APBA1: variants seen among roughly 807,000 people sequenced by gnomAD.
The protein encoded by APBA1 is amyloid-beta A4 precursor protein-binding family A member 1.
A neutral mutation model predicts 86.6 loss-of-function variants in APBA1; 55 were observed. The observed-to-expected ratio is 0.64, with a 90% confidence interval of 0.51 to 0.80. APBA1 has a LOEUF of 0.80. Ranked by LOEUF, APBA1 falls within the 30% of genes least tolerant of loss-of-function variation. The pLI is 0.00. For synonymous variants in APBA1, 511 were observed against 493.9 expected (o/e 1.03, Z -0.46); for missense variants, 1,090 against 1,183.0 (o/e 0.92, Z 1.15).
chr9:69,585,840 G>A (rs556259387), intron 1 of APBA1, among the ~76,000 whole-genome samples: 1 of 152,170 alleles, frequency 6.6e-6, no homozygotes, highest in South Asian at 2.1e-4. Context: ...TAGGACTTGG[G>A]ACCATCTGCC....
intron 1 of APBA1, among the ~76,000 whole-genome samples, chr9:69,553,020 A>G (rs1447359771): frequency 1.3e-5 from 2 of 150,804 alleles, no homozygotes; most frequent in African/African-American, 4.9e-5. Flanking sequence ...CCTCCCACCT[A>G]AGCCTCCTGA....
chr9:69,449,580 G>A lies in APBA1; in HGVS notation c.2181+4C>T. 6.2e-7 allele frequency: 1 copy of A among 1,612,558 alleles called. No individual in the cohort carries two copies. Among genetic ancestry groups the A allele is most frequent in the Non-Finnish European group, 8.5e-7 (1 of 1,179,172 alleles). ...ATCAACTGATTTTTCCCATATTCAGGTACCTTAATAATGCTCTGGCAGGTG... is the reference window on the plus strand; with the variant it reads ...ATCAACTGATTTTTCCCATATTCAGATACCTTAATAATGCTCTGGCAGGTG... On this transcript the variant is annotated splice_donor_region_variant and intron_variant, in intron 10 of 12. Transcript: ENST00000265381.
intron 1 of APBA1, among the ~76,000 whole-genome samples, chr9:69,615,783 T>C (rs1252111547): frequency 1.3e-5 from 2 of 152,230 alleles, no homozygotes; most frequent in Non-Finnish European, 2.9e-5. Flanking sequence ...TCCATAGAAT[T>C]ATTAAAAACA....
intron 2 of APBA1, among the ~76,000 whole-genome samples, chr9:69,487,839 T>C (rs556735378): frequency 1.3e-5 from 2 of 152,230 alleles, no homozygotes; most frequent in South Asian, 4.1e-4. Context: ...AGTGCCTACC[T>C]GAACAGTCCT....
At chr9:69,610,012 G>A (rs1368723619) in intron 1 of APBA1, among the ~76,000 whole-genome samples, 1 of 152,064 alleles carries the variant, frequency 6.6e-6, no homozygotes, top group Non-Finnish European at 1.5e-5. Flanking sequence ...TGATTATAAG[G>A]CCACCTTAAA....
At position 69,670,950 on chromosome 9, in the gene APBA1, C is replaced by T. The variant is rs544100138; in HGVS notation, c.-70+1203G>A. Among the ~76,000 whole-genome samples, 5 of 152,238 alleles carry T rather than the reference C, an allele frequency of 3.3e-5. No homozygotes were observed. The East Asian group carries it at 9.7e-4, about 29-fold the overall frequency. On this transcript the variant is annotated intron_variant, in intron 1 of 12. Transcript: ENST00000265381. Reference sequence around the variant, plus strand: ...AGTATCCTGTTTCCTGAGGAAAACGCCCTGGCTGTGTGATGCTGACCAAGT... The same window carrying T: ...AGTATCCTGTTTCCTGAGGAAAACGTCCTGGCTGTGTGATGCTGACCAAGT...
At position 69,431,079 on chromosome 9, in the gene APBA1, A is replaced by G. The variant is rs534785959; in HGVS notation, c.*248T>C. ...CCCTCCAGGATGGTCCTGGGTCAGT[A>G]CCAGGTGGGTGCTGGCTGCTCTCCA... is the stretch of plus-strand genomic sequence containing the variant. On this transcript the variant is annotated 3_prime_UTR_variant, in exon 13 of 13. Coordinates refer to ENST00000265381, the MANE Select transcript of APBA1 (RefSeq NM_001163.4). 3.4e-5 allele frequency: 15 copies of G among 437,912 alleles called. No individual in the cohort carries two copies. The highest frequency in any genetic ancestry group is 2.9e-4 in the African/African-American group (14 of 48,216). The allele number at this position is 437,912 out of a possible 1,614,324, so 27.1% of individuals were successfully genotyped here. A position where few individuals can be genotyped will look rare whatever the true frequency, so the allele number is the denominator to read the frequency against.
intron 1 of APBA1, among the ~76,000 whole-genome samples, chr9:69,573,610 T>C (rs565384968): frequency 2.6e-5 from 4 of 152,366 alleles, no homozygotes; most frequent in African/African-American, 9.6e-5. Context: ...CCCAGTCTTT[T>C]GTATTTACTG....
chr9:69,430,745 C>T lies in APBA1; in HGVS notation c.*582G>A, dbSNP rs1044034778. On this transcript the variant is annotated 3_prime_UTR_variant, in exon 13 of 13. Transcript: ENST00000265381. ...GAGAAGGCTCGTATTAGAAAACACA[C>T]ATACGTTGAAATTAGAACTAGCAAT... The T allele has an allele frequency of 6.6e-6, 1 of 152,528 alleles. No individual in the cohort carries two copies. The highest frequency in any genetic ancestry group is 1.5e-5 in the Non-Finnish European group (1 of 68,038). 9.4% of individuals were successfully genotyped at this position (152,528 alleles called of 1,614,324 possible). A position where few individuals can be genotyped will look rare whatever the true frequency, so the allele number is the denominator to read the frequency against.
chr9:69,516,307 G>A lies in APBA1; in HGVS notation c.904C>T (p.Arg302Cys). ...DMPEAEQDLE[R>C]PPTPAGGRPD... The stretch of plus-strand genomic sequence containing the variant: ...CGACCCCCGGCCGGGGTAGGGGGAC[G>A]CTCCAGGTCCTGCTCGGCCTCAGGC... The change falls in exon 2 of 13, where the codon CGT becomes TGT. Residue 302 changes from arginine to cysteine, a missense_variant. Physicochemically the swap from Arg to Cys is radical, Grantham distance 180 (BLOSUM62 -3). This residue lies in a region of APBA1 where 678 missense variants were observed against 647.1 expected (regional missense o/e 1.05). Coordinates refer to ENST00000265381, the MANE Select transcript of APBA1 (RefSeq NM_001163.4). The surrounding 1 kb of genome is among the most constrained non-coding windows in gnomAD (Gnocchi z 7.3). 6.4e-7 allele frequency: 1 copy of A among 1,571,442 alleles called. No homozygotes were observed. Among genetic ancestry groups the A allele is most frequent in the Non-Finnish European group, 8.6e-7 (1 of 1,165,458 alleles).
In APBA1 at chr9:69,452,230, C is replaced by T. The variant is rs762827381; in HGVS notation, c.1860G>A (p.Gly620=). ...VAYQEFLRAN[G]INPEDLSQKE... ...TCTGGCTGAGATCTTCGGGGTTAAT[C>T]CCATTGGCCCTGAGGAATTCCTGGT... The change falls in exon 9 of 13, where the codon GGG becomes GGA. Residue 620 remains glycine, a synonymous_variant. Transcript: ENST00000265381. 1.9e-6 allele frequency: 3 copies of T among 1,614,212 alleles called. No homozygotes were observed. The highest frequency in any genetic ancestry group is 2.2e-5 in the South Asian group (2 of 91,082).
At chr9:69,488,995 G>A (rs1472006420) in intron 2 of APBA1, among the ~76,000 whole-genome samples, 5 of 151,980 alleles carry the variant, frequency 3.3e-5, no homozygotes, top group Non-Finnish European at 7.4e-5. Flanking sequence ...ACAAACAAAT[G>A]GAAGAACATT....
At chr9:69,434,501 G>C (rs1205733131) in intron 11 of APBA1, among the ~76,000 whole-genome samples, 1 of 152,120 alleles carries the variant, frequency 6.6e-6, no homozygotes, top group Non-Finnish European at 1.5e-5. Context: ...AAGGTCAGGA[G>C]TTCAAGACCG....
intron 1 of APBA1, 51 bp from the exon 2 acceptor site, chr9:69,517,330 T>C: frequency 7.3e-7 from 1 of 1,368,642 alleles, no homozygotes; most frequent in East Asian, 2.8e-5. Context: ...ACAGTCGTTA[T>C]GAGCTGAGTA....
chr9:69,656,368 T>C (rs1458275384), intron 1 of APBA1, among the ~76,000 whole-genome samples: 2 of 152,168 alleles, frequency 1.3e-5, no homozygotes, highest in African/African-American at 2.4e-5. Context: ...AACAAAAGAA[T>C]TGATAAACTC....
chr9:69,482,170 C>G (rs1425891794), intron 2 of APBA1, among the ~76,000 whole-genome samples: 1 of 151,788 alleles, frequency 6.6e-6, no homozygotes, highest in African/African-American at 2.4e-5. Context: ...AAACTACCAT[C>G]AGAGTGAACA....
chr9:69,636,111 A>G (rs889039689), intron 1 of APBA1, among the ~76,000 whole-genome samples: 2 of 152,174 alleles, frequency 1.3e-5, no homozygotes, highest in African/African-American at 4.8e-5. Flanking sequence ...TTCTCAAAAG[A>G]AGACATACAA....
intron 1 of APBA1, among the ~76,000 whole-genome samples, chr9:69,578,634 C>G (rs1305410081): frequency 6.6e-6 from 1 of 152,156 alleles, no homozygotes; most frequent in Non-Finnish European, 1.5e-5. Context: ...AATGATCTAT[C>G]TTTGGGAATG....
chr9:69,661,950 T>G (rs533079845), intron 1 of APBA1, among the ~76,000 whole-genome samples: 2 of 151,924 alleles, frequency 1.3e-5, no homozygotes, highest in East Asian at 3.9e-4. Flanking sequence ...CAAATAAACT[T>G]CTTTTCTTTG....
Sources: gnomAD v4.1 joint callset for allele counts (sites outside exome capture counted in the v4.1 genomes callset) on GRCh38, gnomAD v4.1.1 for gene constraint, gnomAD v4.1.1 regional missense constraint, Gnocchi (gnomAD v3.1) non-coding constraint, MANE v1.5 for transcripts, NCBI Gene and HGNC (gene_info 2026-07-23, HGNC 2026-07-21) for gene names.